KIAA1217: variants seen among roughly 807,000 people sequenced by gnomAD.
The protein encoded by KIAA1217 is sickle tail protein homolog.
KIAA1217 carries 88 observed loss-of-function variants against 163.9 expected under a neutral mutation model. The ratio of observed to expected loss-of-function variants is 0.54; its 90% CI spans 0.45 to 0.64. The LOEUF (loss-of-function observed/expected upper bound fraction) is 0.64, where lower values mean the gene tolerates loss of function less well. Among genes scored for constraint, KIAA1217 ranks in the 30% least tolerant of loss-of-function variants. The pLI is 0.00. For synonymous variants in KIAA1217, 903 were observed against 923.1 expected (o/e 0.98, Z 0.39); for missense variants, 2,372 against 2,475.0 (o/e 0.96, Z 0.88).
exon 1 of KIAA1217, chr10:23,694,990 C>A (rs997511575): frequency 6.6e-6 from 1 of 152,214 alleles, no homozygotes; most frequent in African/African-American, 2.4e-5. Context: ...CGCGCAGCGC[C>A]CTGCGCAGCA....
chr10:23,702,252 T>C (rs142702982), intron 1 of KIAA1217, among the ~76,000 whole-genome samples: 3 of 152,016 alleles, frequency 2.0e-5, no homozygotes, highest in Admixed American at 6.5e-5. Flanking sequence ...ACAGAGAACT[T>C]GGGGTGGGTG....
chr10:23,998,708 A>C (rs1846611706), intron 1 of KIAA1217, among the ~76,000 whole-genome samples: 1 of 152,244 alleles, frequency 6.6e-6, no homozygotes, highest in African/African-American at 2.4e-5. Flanking sequence ...GAAACTGGGC[A>C]CTTACAAAAG....
chr10:23,956,648 C>T (rs969276720), intron 1 of KIAA1217, among the ~76,000 whole-genome samples: 14 of 152,054 alleles, frequency 9.2e-5, no homozygotes, highest in Admixed American at 5.2e-4. Flanking sequence ...TACTGGGCCA[C>T]GGTTCTTCAG....
rs544482113 is a variant in KIAA1217 at position 23,801,744 on chromosome 10, C to A, written c.-321+106510C>A. ...CTATTAAAGATTAGGAACTCAAGAC[C>A]TCCCAAAGTAAGTAACGTGCTTAAG... On this transcript the variant is annotated intron_variant, in intron 1 of 18. Coordinates refer to the KIAA1217 transcript ENST00000376462. Among the ~76,000 whole-genome samples, 10 of 152,228 alleles carry A rather than the reference C, an allele frequency of 6.6e-5. No individual in the cohort carries two copies. The South Asian group carries it at 1.9e-3, about 28-fold the overall frequency.
chr10:23,981,512 G>A (rs919543936), intron 1 of KIAA1217, among the ~76,000 whole-genome samples: 10 of 152,320 alleles, frequency 6.6e-5, no homozygotes, highest in African/African-American at 1.9e-4. Flanking sequence ...TCTTTGTCAT[G>A]TCTATACGCA....
intron 3 of KIAA1217, among the ~76,000 whole-genome samples, chr10:24,428,934 CTAAT>C (rs2059379001): frequency 6.6e-6 from 1 of 151,026 alleles, no homozygotes; most frequent in Admixed American, 6.6e-5. Context: ...AGCAATATCA[CTAAT>C]TAAAATATGA....
At chr10:23,710,582 G>A (rs1344900127) in intron 1 of KIAA1217, among the ~76,000 whole-genome samples, 1 of 152,194 alleles carries the variant, frequency 6.6e-6, no homozygotes, top group Non-Finnish European at 1.5e-5. Flanking sequence ...GTTCTATGCT[G>A]ATACAAAGTT....
At chr10:24,153,956 A>AT (rs1554886516) in intron 2 of KIAA1217, among the ~76,000 whole-genome samples, 1 of 148,858 alleles carries the variant, frequency 6.7e-6, no homozygotes, top group Admixed American at 6.6e-5. Flanking sequence ...TCTACAAAAA[A>AT]TATTTTTTTT....
intron 2 of KIAA1217, among the ~76,000 whole-genome samples, chr10:24,242,258 C>T (rs760151787): frequency 2.0e-5 from 3 of 152,206 alleles, no homozygotes; most frequent in Non-Finnish European, 2.9e-5. Flanking sequence ...TCCATCCCCA[C>T]TCTAGTAGTC....
At chr10:24,329,622 C>T (rs186610003) in intron 2 of KIAA1217, among the ~76,000 whole-genome samples, 8 of 152,112 alleles carry the variant, frequency 5.3e-5, no homozygotes, top group African/African-American at 1.4e-4. Context: ...CTACTCGGAA[C>T]CTAGATGTTC....
chr10:24,216,476 T>A (rs2068832802), intron 1 of KIAA1217, among the ~76,000 whole-genome samples: 1 of 152,150 alleles, frequency 6.6e-6, no homozygotes, highest in Non-Finnish European at 1.5e-5. Flanking sequence ...CTGTCCTGGA[T>A]AACTTAAAAT....
At chr10:24,388,438 C>T (rs2054334312) in intron 3 of KIAA1217, among the ~76,000 whole-genome samples, 1 of 152,150 alleles carries the variant, frequency 6.6e-6, no homozygotes, top group African/African-American at 2.4e-5. Context: ...AAATGTTAGA[C>T]CTAAAACCGC....
At chr10:24,058,483 G>A (rs2060606039) in intron 2 of KIAA1217, among the ~76,000 whole-genome samples, 1 of 152,140 alleles carries the variant, frequency 6.6e-6, no homozygotes, top group Non-Finnish European at 1.5e-5. Flanking sequence ...TTACTGGGCA[G>A]TATGAACACT....
intron 2 of KIAA1217, among the ~76,000 whole-genome samples, chr10:24,115,310 G>A (rs529952197): frequency 6.6e-6 from 1 of 152,338 alleles, no homozygotes; most frequent in South Asian, 2.1e-4. Context: ...AGTCAGGTTT[G>A]CATTCATTAT....
intron 2 of KIAA1217, among the ~76,000 whole-genome samples, chr10:24,249,427 T>C (rs1168424866): frequency 6.6e-6 from 1 of 152,190 alleles, no homozygotes. Context: ...ATACAAGTGC[T>C]GTAGGCTTGG....
chr10:24,089,041 G>A (rs1471605002), intron 2 of KIAA1217, among the ~76,000 whole-genome samples: 1 of 125,154 alleles, frequency 8.0e-6, no homozygotes, highest in East Asian at 1.9e-4. Context: ...TTCTCTGATG[G>A]CCAGTGGTGA....
chr10:24,077,583 G>C (rs1223526402), intron 2 of KIAA1217, among the ~76,000 whole-genome samples: 1 of 152,104 alleles, frequency 6.6e-6, no homozygotes, highest in Non-Finnish European at 1.5e-5. Flanking sequence ...GTCTACCATT[G>C]GTGGGCATTT....
intron 1 of KIAA1217, among the ~76,000 whole-genome samples, chr10:23,895,456 C>T (rs1002735009): frequency 1.3e-5 from 2 of 152,098 alleles, no homozygotes; most frequent in African/African-American, 4.8e-5. Context: ...CCATCTCACA[C>T]CAGTTAGAAT....
chr10:24,045,253 C>T (rs939701090), intron 2 of KIAA1217, among the ~76,000 whole-genome samples: 2 of 151,818 alleles, frequency 1.3e-5, no homozygotes, highest in African/African-American at 4.8e-5. Context: ...TTTTTTCTCT[C>T]TCTCTCTCGA....
Sources: allele counts gnomAD v4.1 joint callset (sites outside exome capture counted in the v4.1 genomes callset), GRCh38; gene constraint gnomAD v4.1.1; transcripts MANE v1.5; gene names NCBI Gene and HGNC (gene_info 2026-07-23, HGNC 2026-07-21).